The following CUL1 variants were observed in gnomAD, a reference collection of about 807,000 sequenced individuals.
CUL1 encodes the protein cullin-1.
CUL1 carries 24 observed loss-of-function variants against 118.0 expected under a neutral mutation model. That is an observed-to-expected ratio of 0.20 (90% CI 0.15 to 0.29). The LOEUF (loss-of-function observed/expected upper bound fraction) is 0.29, where lower values mean the gene tolerates loss of function less well. CUL1 is among the 10% of genes least tolerant of loss of function. The pLI, the probability that CUL1 is intolerant of heterozygous loss-of-function variation, is 1.00. For synonymous variants in CUL1, 332 were observed against 340.4 expected (o/e 0.98, Z 0.27); for missense variants, 361 against 933.8 (o/e 0.39, Z 7.99).
At chr7:148,737,540 C>T (rs1244337293) in intron 2 of CUL1, among the ~76,000 whole-genome samples, 8 of 147,888 alleles carry the variant, frequency 5.4e-5, no homozygotes, top group African/African-American at 1.2e-4. Flanking sequence ...ATAGGAAGTA[C>T]GATATATGTG....
chr7:148,739,444 G>A (rs1799070307), intron 2 of CUL1, among the ~76,000 whole-genome samples: 1 of 152,204 alleles, frequency 6.6e-6, no homozygotes, highest in African/African-American at 2.4e-5. Context: ...AGGCGAAGGT[G>A]CCCTAAACCG....
intron 1 of CUL1, among the ~76,000 whole-genome samples, chr7:148,708,277 C>T (rs1414842447): frequency 6.6e-6 from 1 of 152,142 alleles, no homozygotes; most frequent in East Asian, 1.9e-4. Context: ...CTTGGCTTGC[C>T]CCAAACTGAT....
rs781622522 is a variant in CUL1 at position 148,730,266 on chromosome 7, T to C, written c.140+4T>C. On this transcript the variant is annotated splice_donor_region_variant and intron_variant, in intron 2 of 21. Transcript: ENST00000325222. ...CCAGATATATGGAGCTCTACACGTA[T>C]CCTCCTGCCTAGCGCAGGTTGATTG... The C allele has an allele frequency of 6.2e-7, 1 of 1,609,172 alleles. No homozygotes were observed. Among genetic ancestry groups the C allele is most frequent in the Non-Finnish European group, 8.5e-7 (1 of 1,178,136 alleles).
intron 1 of CUL1, among the ~76,000 whole-genome samples, chr7:148,704,022 T>C (rs1364251725): frequency 6.6e-6 from 1 of 152,156 alleles, no homozygotes; most frequent in African/African-American, 2.4e-5. Context: ...TTTAGAATAA[T>C]AAAACTTCTC....
intron 1 of CUL1, among the ~76,000 whole-genome samples, chr7:148,706,450 A>G (rs1273809259): frequency 6.6e-6 from 1 of 152,120 alleles, no homozygotes; most frequent in Non-Finnish European, 1.5e-5. Context: ...ATCAATCATA[A>G]AGTAGAGACT....
At chr7:148,702,416 C>T (rs1271792361) in intron 1 of CUL1, among the ~76,000 whole-genome samples, 1 of 152,158 alleles carries the variant, frequency 6.6e-6, no homozygotes, top group Non-Finnish European at 1.5e-5. Flanking sequence ...TTAATTGACA[C>T]TGTTGATTTC....
At chr7:148,736,697 G>C (rs568140768) in intron 2 of CUL1, among the ~76,000 whole-genome samples, 1 of 152,282 alleles carries the variant, frequency 6.6e-6, no homozygotes, top group South Asian at 2.1e-4. Flanking sequence ...CATGTGCAAG[G>C]CTCTTCAGCA....
chr7:148,752,252 G>A (rs185822166), intron 2 of CUL1, among the ~76,000 whole-genome samples: 5 of 152,264 alleles, frequency 3.3e-5, no homozygotes, highest in African/African-American at 4.8e-5. Context: ...GATGAAAGAG[G>A]GAGAATATAG....
intron 1 of CUL1, among the ~76,000 whole-genome samples, chr7:148,707,000 C>T (rs1451842614): frequency 3.9e-5 from 6 of 152,028 alleles, no homozygotes; most frequent in Non-Finnish European, 1.5e-5. Context: ...GCTGCTGTTA[C>T]AGGGAGATAT....
intron 17 of CUL1, among the ~76,000 whole-genome samples, chr7:148,797,440 AT>A (rs1349041690): frequency 5.3e-5 from 8 of 150,146 alleles, no homozygotes; most frequent in African/African-American, 2.0e-4. Flanking sequence ...GAAATTTCGG[AT>A]TTTCCAATCA....
intron 17 of CUL1, among the ~76,000 whole-genome samples, chr7:148,797,296 T>A (rs1193980557): frequency 6.6e-6 from 1 of 151,706 alleles, no homozygotes; most frequent in African/African-American, 2.4e-5. Flanking sequence ...AAGATTTCAT[T>A]GTGCATGGTT....
chr7:148,783,098 C>G (rs1800697065), intron 9 of CUL1, among the ~76,000 whole-genome samples: 1 of 150,778 alleles, frequency 6.6e-6, no homozygotes, highest in East Asian at 2.0e-4. Flanking sequence ...CGCTGTTTTT[C>G]TCATTAGCAC....
At chr7:148,724,735 C>T (rs776153304) in intron 1 of CUL1, among the ~76,000 whole-genome samples, 7 of 152,296 alleles carry the variant, frequency 4.6e-5, no homozygotes, top group South Asian at 2.1e-4. Context: ...GGTACACGCC[C>T]GAAACGCGTG....
chr7:148,744,164 T>C (rs1381132664), intron 2 of CUL1, among the ~76,000 whole-genome samples: 1 of 152,178 alleles, frequency 6.6e-6, no homozygotes, highest in Non-Finnish European at 1.5e-5. Flanking sequence ...GTGTCCCTCA[T>C]GTCAACATAT....
intron 12 of CUL1, 57 bp downstream of exon 12, chr7:148,786,656 G>C: frequency 7.0e-7 from 1 of 1,430,448 alleles, no homozygotes; most frequent in Non-Finnish European, 9.8e-7. Context: ...CAAGCTGTTT[G>C]TAATGTTATT....
chr7:148,709,538 T>C (rs1797985365), intron 1 of CUL1, among the ~76,000 whole-genome samples: 1 of 152,244 alleles, frequency 6.6e-6, no homozygotes, highest in South Asian at 2.1e-4. Flanking sequence ...AACTATGTTT[T>C]CAACTGGGAA....
At chr7:148,786,648 A>G (rs750056120) in intron 12 of CUL1, 49 bp downstream of exon 12, 1 of 1,484,398 alleles carries the variant, frequency 6.7e-7, no homozygotes, top group South Asian at 1.2e-5. Context: ...GTATTTCACA[A>G]GCTGTTTGTA....
Position 148,754,067 on chromosome 7 carries a change from C to G in CUL1, c.232C>G (p.Pro78Ala), listed in dbSNP as rs777290710. Residue 78 changes from proline (P) to alanine (A), a missense_variant, in exon 3 of 22, where the codon CCT (proline) becomes GCT (alanine). Around this residue, in one of 7 missense-constraint regions of CUL1, gnomAD observed 49 missense variants for 67.4 expected, o/e 0.73. Transcript: ENST00000325222. Reference sequence around the variant, plus strand: ...TTCTAAGTCGAAAAAGGGGCAGACACCTGGAGGAGCTCAGTTTGTTGGCCT... The same window carrying G: ...TTCTAAGTCGAAAAAGGGGCAGACAGCTGGAGGAGCTCAGTTTGTTGGCCT... The part of the protein sequence containing the change: ...PPSKSKKGQT[P>A]GGAQFVGLEL... 1 of 1,613,802 alleles carries G rather than the reference C, an allele frequency of 6.2e-7. No homozygotes were observed. The highest frequency in any genetic ancestry group is 8.5e-7 in the Non-Finnish European group (1 of 1,179,834).
rs937736112 is a variant in CUL1, at chr7:148,756,925, T to G, written c.316-58T>G. The G allele has an allele frequency of 2.4e-6, 3 of 1,257,660 alleles. No homozygotes were observed. In the South Asian group the frequency reaches 5.4e-5, roughly 22 times the overall value. The allele number at this position is 1,257,660 out of a possible 1,614,324, so 77.9% of individuals were successfully genotyped here. On this transcript the variant is annotated intron_variant, in intron 3 of 21. Coordinates refer to ENST00000325222, the MANE Select transcript of CUL1 (RefSeq NM_003592.3). ...TACAGTAGATGTTATTCACCGTTAT[T>G]TTTAATTTATAATGTGACAAATTAG... is the stretch of plus-strand genomic sequence containing the variant.
Sources: allele counts gnomAD v4.1 joint callset (sites outside exome capture counted in the v4.1 genomes callset), GRCh38; gene constraint gnomAD v4.1.1; regional missense constraint gnomAD v4.1.1; transcripts MANE v1.5; gene names NCBI Gene and HGNC (gene_info 2026-07-23, HGNC 2026-07-21).